Variants in ETV7 observed in about 807,000 individuals in gnomAD.
ETV7 encodes ETS variant transcription factor 7.
A neutral mutation model predicts 39.1 loss-of-function variants in ETV7; 43 were observed. The observed-to-expected ratio is 1.10, with a 90% CI of 0.86 to 1.42. The LOEUF (loss-of-function observed/expected upper bound fraction) is 1.42, where lower values mean the gene tolerates loss of function less well. Ranked by LOEUF, ETV7 falls within the 40% of genes most tolerant of loss-of-function variation. The pLI, the probability that ETV7 is intolerant of heterozygous loss-of-function variation, is 0.00. For missense variants in ETV7, 432 were observed against 442.3 expected (o/e 0.98, Z 0.21); for synonymous variants, 196 against 176.6 (o/e 1.11, Z -0.87).
downstream of ETV7, among the ~76,000 whole-genome samples, chr6:36,365,679 G>A (rs1318498735): frequency 2.0e-5 from 3 of 152,132 alleles, no homozygotes; most frequent in Admixed American, 6.5e-5. Flanking sequence ...AGGTGGGGCC[G>A]GGGCCTGGCT....
chr6:36,367,712 G>T (rs185710636), intron 6 of ETV7, among the ~76,000 whole-genome samples: 1 of 151,458 alleles, frequency 6.6e-6, no homozygotes, highest in East Asian at 1.9e-4. Flanking sequence ...TCTCTCTCGG[G>T]GGTAGGCAGT....
intron 7 of ETV7, among the ~76,000 whole-genome samples, chr6:36,356,215 C>G (rs1195013932): frequency 6.8e-6 from 1 of 147,804 alleles, no homozygotes; most frequent in Admixed American, 6.7e-5. Flanking sequence ...AGGTGGATTG[C>G]ATTGAGCTCA....
chr6:36,364,802 G>C (rs564797335), downstream of ETV7, among the ~76,000 whole-genome samples: 7 of 152,378 alleles, frequency 4.6e-5, no homozygotes, highest in African/African-American at 1.2e-4. Context: ...CTCAATAAGA[G>C]AGGCCATGGG....
At chr6:36,387,425 C>T in intron 1 of ETV7, 111 bp downstream of exon 1, 3 of 1,436,708 alleles carry the variant, frequency 2.1e-6, no homozygotes, top group Non-Finnish European at 2.9e-6. Flanking sequence ...GAGAGATTCC[C>T]GCCAGGTAAA....
chr6:36,369,080 T>C lies in ETV7; in HGVS notation c.665-9A>G, dbSNP rs781137434. Reference sequence around the variant, plus strand: ...CCACAGCAGGCGGCAGTCTGCAATTTAGCACAGGGAGTGCAGGCAGCGCAG... The same window carrying C: ...CCACAGCAGGCGGCAGTCTGCAATTCAGCACAGGGAGTGCAGGCAGCGCAG... On this transcript the variant is annotated splice_polypyrimidine_tract_variant and intron_variant, in intron 5 of 7. Coordinates refer to ENST00000340181, the MANE Select transcript of ETV7 (RefSeq NM_016135.4). 1 of 1,614,022 alleles carries C rather than the reference T, an allele frequency of 6.2e-7. No homozygotes were observed. Among genetic ancestry groups the C allele is most frequent in the South Asian group, 1.1e-5 (1 of 91,092 alleles).
intron 6 of ETV7, among the ~76,000 whole-genome samples, chr6:36,367,959 T>C (rs757790078): frequency 2.6e-5 from 4 of 152,226 alleles, no homozygotes; most frequent in Non-Finnish European, 5.9e-5. Context: ...ATGGGACTGC[T>C]GCTCTCTGGG....
At chr6:36,363,380 C>T (rs536553942), downstream of ETV7, among the ~76,000 whole-genome samples, 1 of 152,158 alleles carries the variant, frequency 6.6e-6, no homozygotes, top group Non-Finnish European at 1.5e-5. Context: ...TCGTTCCTCC[C>T]CGTGGGCTCA....
In ETV7 at chr6:36,373,535, C is replaced by A. The variant is rs766384743; in HGVS notation, c.351G>T (p.Arg117=). The change falls in exon 4 of 8, where the codon CGG becomes CGT. Residue 117 remains arginine, a synonymous_variant. Coordinates refer to ENST00000340181, the MANE Select transcript of ETV7 (RefSeq NM_016135.4). ...AAAAGGGCCCACACACCAGGGCTCG[C>A]CGCTGGGTCTTGATGTACTGGAGCA... ...YELLQYIKTQ[R]RALVCGPFFG... 2 of 1,535,488 alleles carry A rather than the reference C, an allele frequency of 1.3e-6. No individual in the cohort carries two copies. Among genetic ancestry groups the A allele is most frequent in the South Asian group, 2.4e-5 (2 of 82,472 alleles).
chr6:36,358,837 G>GA (rs1012348995), intron 7 of ETV7, among the ~76,000 whole-genome samples: 3 of 152,218 alleles, frequency 2.0e-5, no homozygotes, highest in Non-Finnish European at 4.4e-5. Context: ...AGAATTGCTG[G>GA]AATTTTAAGA....
At chr6:36,377,963 T>A (rs1773458961) in intron 2 of ETV7, among the ~76,000 whole-genome samples, 1 of 152,154 alleles carries the variant, frequency 6.6e-6, no homozygotes, top group Non-Finnish European at 1.5e-5. Flanking sequence ...AGAGTACATG[T>A]CTGAAATTGC....
intron 7 of ETV7, among the ~76,000 whole-genome samples, chr6:36,360,082 G>A (rs112609487): frequency 0.071 from 10,769 of 152,056 alleles, 713 homozygotes; most frequent in African/African-American, 0.17. Context: ...TAGTAGAGAC[G>A]GAGTTTCACC....
At chr6:36,369,988 T>A (rs756209812) in intron 5 of ETV7, among the ~76,000 whole-genome samples, 19 of 152,046 alleles carry the variant, frequency 1.2e-4, no homozygotes, top group Non-Finnish European at 2.4e-4. Context: ...GGCGTCCATG[T>A]GAGATCTTGT....
rs1286248563 is a variant in ETV7, at chr6:36,366,390, C to A, written c.*255G>T. The A allele has an allele frequency of 2.3e-6, 3 of 1,309,752 alleles. No homozygotes were observed. Among genetic ancestry groups the A allele is most frequent in the Non-Finnish European group, 2.9e-6 (3 of 1,025,658 alleles). 81.1% of individuals were successfully genotyped at this position (1,309,752 alleles called of 1,614,324 possible). ...GCTCTATCGGTGCCTGGCTTCCTCTCCCAGGGGTGCAGTAGGGGAGAGTCC... is the reference window on the plus strand; with the variant it reads ...GCTCTATCGGTGCCTGGCTTCCTCTACCAGGGGTGCAGTAGGGGAGAGTCC... On this transcript the variant is annotated 3_prime_UTR_variant, in exon 8 of 8. Transcript: ENST00000340181.
intron 7 of ETV7, among the ~76,000 whole-genome samples, chr6:36,358,332 G>C (rs1317153759): frequency 6.6e-6 from 1 of 152,210 alleles, no homozygotes; most frequent in East Asian, 1.9e-4. Context: ...TTCACTGGGG[G>C]CCTTCTGCTG....
chr6:36,386,197 C>T (rs1028483861), intron 1 of ETV7, among the ~76,000 whole-genome samples: 6 of 152,068 alleles, frequency 3.9e-5, no homozygotes, highest in Non-Finnish European at 7.4e-5. Context: ...GCGTGGTGAC[C>T]GGCGCCTGTA....
Position 36,366,577 on chromosome 6 carries a change from G to A in ETV7, c.*68C>T, listed in dbSNP as rs2127385916. On this transcript the variant is annotated 3_prime_UTR_variant, in exon 8 of 8. Transcript: ENST00000340181. ...GATCCTGCTGCTCTGCTGGGAGGAG[G>A]AGTCTGCCTTCATGGGAGACTCGGT... 6.2e-7 allele frequency: 1 copy of A among 1,608,770 alleles called. No individual in the cohort carries two copies. Among genetic ancestry groups the A allele is most frequent in the Non-Finnish European group, 8.5e-7 (1 of 1,176,948 alleles).
rs1012174150 is a variant in ETV7 at position 36,370,153 on chromosome 6, T to C, written c.665-1082A>G. Among the ~76,000 whole-genome samples the C allele has an allele frequency of 6.6e-5, 10 of 152,256 alleles. No individual in the cohort carries two copies. In the East Asian group the frequency reaches 9.7e-4, roughly 15 times the overall value. On this transcript the variant is annotated intron_variant, in intron 5 of 7. Coordinates refer to ENST00000340181, the MANE Select transcript of ETV7 (RefSeq NM_016135.4). ...GGCTTCTGCCCACTCTGTGGCTTCA[T>C]AGAATAAATGTGGTGTGGACATAAC...
At chr6:36,375,612 G>A (rs1411932224) in intron 3 of ETV7, among the ~76,000 whole-genome samples, 1 of 152,186 alleles carries the variant, frequency 6.6e-6, no homozygotes. Flanking sequence ...ACAGATAAAG[G>A]GAAGAGAAAG....
chr6:36,364,171 A>G (rs1772627982), downstream of ETV7, among the ~76,000 whole-genome samples: 1 of 152,356 alleles, frequency 6.6e-6, no homozygotes, highest in African/African-American at 2.4e-5. Context: ...GGCTTCACCC[A>G]GTGGATCCTG....
Sources: gnomAD v4.1 joint callset for allele counts (sites outside exome capture counted in the v4.1 genomes callset) on GRCh38, gnomAD v4.1.1 for gene constraint, MANE v1.5 for transcripts, NCBI Gene and HGNC (gene_info 2026-07-23, HGNC 2026-07-21) for gene names.